The following EPHX2 variants were observed in gnomAD, a reference collection of about 807,000 sequenced individuals.
The protein encoded by EPHX2 is epoxide hydrolase 2.
Under a neutral mutation model 78.7 loss-of-function variants are expected in EPHX2, and 74 were observed. The ratio of observed to expected loss-of-function variants is 0.94; its 90% CI spans 0.78 to 1.14. The LOEUF is 1.14. Among genes scored for constraint, EPHX2 ranks in the 50% most tolerant of loss-of-function variants. The pLI, the probability that EPHX2 is intolerant of heterozygous loss-of-function variation, is 0.00. For missense variants in EPHX2, 715 were observed against 702.5 expected, an observed-to-expected ratio of 1.02 and a Z score of -0.20; for synonymous variants, 251 against 255.2, an observed-to-expected ratio of 0.98 and a Z score of 0.16.
At chr8:27,496,860 A>G (rs757915193) in intron 1 of EPHX2, among the ~76,000 whole-genome samples, 2 of 152,174 alleles carry the variant, frequency 1.3e-5, no homozygotes, top group Non-Finnish European at 2.9e-5. Flanking sequence ...TCCCTCCTCA[A>G]GTAGGGGACA....
intron 15 of EPHX2, among the ~76,000 whole-genome samples, chr8:27,540,907 C>G (rs1184103338): frequency 1.3e-5 from 2 of 152,208 alleles, no homozygotes; most frequent in Admixed American, 6.5e-5. Context: ...AGGGTTTTCA[C>G]TACTTTTTAG....
chr8:27,499,844 TCC>T (rs1035975652), intron 1 of EPHX2, among the ~76,000 whole-genome samples: 9 of 152,120 alleles, frequency 5.9e-5, no homozygotes, highest in African/African-American at 2.2e-4. Flanking sequence ...AACAGTGTTC[TCC>T]CTGTGTCCTC....
chr8:27,506,180 G>A (rs973117537), intron 4 of EPHX2, among the ~76,000 whole-genome samples: 1 of 151,912 alleles, frequency 6.6e-6, no homozygotes, highest in African/African-American at 2.4e-5. Flanking sequence ...TTGTAACGGG[G>A]GTCTCACTAT....
At chr8:27,538,601 A>G (rs1815286878) in intron 13 of EPHX2, 58 bp from the exon 14 acceptor site, 14 of 1,507,266 alleles carry the variant, frequency 9.3e-6, no homozygotes, top group South Asian at 2.4e-5. Context: ...TCAGATGAGC[A>G]TATTTCCTTT....
intron 12 of EPHX2, among the ~76,000 whole-genome samples, 171 bp downstream of exon 12, chr8:27,525,644 C>A (rs924040748): frequency 6.6e-6 from 1 of 152,152 alleles, no homozygotes; most frequent in Non-Finnish European, 1.5e-5. Context: ...GCTGATCCTT[C>A]CCAGGCAATG....
chr8:27,535,176 T>C (rs1815172901), intron 12 of EPHX2, among the ~76,000 whole-genome samples: 1 of 128,396 alleles, frequency 7.8e-6, no homozygotes, highest in African/African-American at 2.7e-5. Flanking sequence ...TTTTATTTTA[T>C]TTTATTTTAT....
intron 4 of EPHX2, among the ~76,000 whole-genome samples, chr8:27,506,655 C>T (rs1296198591): frequency 6.6e-6 from 1 of 152,188 alleles, no homozygotes; most frequent in Non-Finnish European, 1.5e-5. Context: ...CTCTCCTAAC[C>T]CTCTTGCAAT....
chr8:27,527,045 A>G (rs1814871439), intron 12 of EPHX2, among the ~76,000 whole-genome samples: 1 of 151,966 alleles, frequency 6.6e-6, no homozygotes, highest in African/African-American at 2.4e-5. Context: ...AGGTTCAAGC[A>G]ATTCTCCTGC....
At chr8:27,514,388 G>A (rs902281664) in intron 6 of EPHX2, among the ~76,000 whole-genome samples, 7 of 152,180 alleles carry the variant, frequency 4.6e-5, no homozygotes, top group African/African-American at 1.7e-4. Context: ...ATTGTTCCAC[G>A]TGAATTTCTA....
At chr8:27,538,769 G>C in intron 14 of EPHX2, 77 bp downstream of exon 14, 1 of 1,512,488 alleles carries the variant, frequency 6.6e-7, no homozygotes, top group Non-Finnish European at 9.2e-7. Flanking sequence ...TGACTGCTAT[G>C]GGCAGAAGCC....
intron 11 of EPHX2, among the ~76,000 whole-genome samples, chr8:27,525,076 G>A (rs1337314523): frequency 5.1e-5 from 6 of 117,100 alleles, no homozygotes; most frequent in African/African-American, 1.9e-4. Context: ...TACTGTGTGT[G>A]TGTGTGTGTG....
rs1813761423 is a variant in EPHX2, at chr8:27,501,324, T to TTCTTCTTCTTC, written c.186+315_186+316insCTTCTTCTTCT. On this transcript the variant is annotated intron_variant, in intron 2 of 18. Transcript: ENST00000521400. ...TAAGAAAGAGGGAAATGCTATATAT[T>TTCTTCTTCTTC]TTCTTCTTCTTCTTCTTCTTCTTCT... is the stretch of plus-strand genomic sequence containing the variant. Among the ~76,000 whole-genome samples, 6 of 103,010 alleles carry TTCTTCTTCTTC rather than the reference T, an allele frequency of 5.8e-5. No individual in the cohort carries two copies. In the South Asian group the frequency reaches 1.2e-3, roughly 20 times the overall value. The allele number at this position is 103,010 out of a possible 152,430, so 67.6% of individuals were successfully genotyped here. A position where few individuals can be genotyped will look rare whatever the true frequency, so the allele number is the denominator to read the frequency against.
rs1815544134 is a variant in EPHX2, at chr8:27,545,081, A to C, written c.*559A>C. The stretch of plus-strand genomic sequence containing the variant: ...CAGGAGACAATCCTATGGGGATGGC[A>C]GTGGTGTCTTGTGCTCTGTCCCCTA... On this transcript the variant is annotated 3_prime_UTR_variant, in exon 19 of 19. Transcript: ENST00000521400. The C allele has an allele frequency of 6.5e-6, 1 of 154,958 alleles. No homozygotes were observed. Among genetic ancestry groups the C allele is most frequent in the African/African-American group, 2.4e-5 (1 of 41,436 alleles). The allele number at this position is 154,958 out of a possible 1,614,324, so 9.6% of individuals were successfully genotyped here.
chr8:27,541,638 GT>G, intron 16 of EPHX2, 96 bp downstream of exon 16: 1 of 1,316,078 alleles, frequency 7.6e-7, no homozygotes, highest in Non-Finnish European at 1.1e-6. Context: ...GCCAGAGCTG[GT>G]TGTGGACAGA....
At chr8:27,546,512 A>G (rs889092726), downstream of EPHX2, among the ~76,000 whole-genome samples, 1 of 152,226 alleles carries the variant, frequency 6.6e-6, no homozygotes, top group African/African-American at 2.4e-5. Flanking sequence ...ACTGGGGGAA[A>G]GGCTTACACC....
chr8:27,524,769 C>A (rs373832202), intron 11 of EPHX2, among the ~76,000 whole-genome samples: 1 of 152,190 alleles, frequency 6.6e-6, no homozygotes, highest in Admixed American at 6.5e-5. Context: ...AATTCCTTAT[C>A]TCCTTCCAAC....
intron 14 of EPHX2, among the ~76,000 whole-genome samples, 157 bp from the exon 15 acceptor site, chr8:27,540,397 G>A (rs1380964914): frequency 6.6e-6 from 1 of 152,128 alleles, no homozygotes; most frequent in Admixed American, 6.5e-5. Context: ...TCGAGGAGAT[G>A]GGATCACTCT....
chr8:27,503,725 G>C lies in EPHX2; in HGVS notation c.308G>C (p.Arg103Pro), dbSNP rs142029565. ...GCGATTTCAGCCAGAAAGATCAACCGCCCCATGCTCCAGGCAGCTCTCATG... is the reference window on the plus strand; with the variant it reads ...GCGATTTCAGCCAGAAAGATCAACCCCCCCATGCTCCAGGCAGCTCTCATG... ...DKAISARKIN[R>P]PMLQAALMLR... is the part of the protein sequence containing the mutation. The change falls in exon 3 of 19, where the codon CGC (arginine) becomes CCC (proline). Residue 103 changes from arginine (R) to proline (P), a missense_variant. Transcript: ENST00000521400. 8.7e-6 allele frequency: 14 copies of C among 1,613,268 alleles called. No homozygotes were observed. The highest frequency in any genetic ancestry group is 1.2e-5 in the Non-Finnish European group (14 of 1,179,970).
At chr8:27,524,706 C>A (rs550614328) in intron 11 of EPHX2, among the ~76,000 whole-genome samples, 1 of 152,248 alleles carries the variant, frequency 6.6e-6, no homozygotes, top group Non-Finnish European at 1.5e-5. Flanking sequence ...TTCTGAAAAG[C>A]CAAGTTCAAA....
Sources: allele counts gnomAD v4.1 joint callset (sites outside exome capture counted in the v4.1 genomes callset), GRCh38; gene constraint gnomAD v4.1.1; transcripts MANE v1.5; gene names NCBI Gene and HGNC (gene_info 2026-07-23, HGNC 2026-07-21).